UBE2N: variants seen among roughly 807,000 people sequenced by gnomAD.
The protein encoded by UBE2N is ubiquitin conjugating enzyme E2 N, also known as ubiquitin-conjugating enzyme E2 N.
For synonymous variants in UBE2N, 70 were observed against 69.2 expected (o/e 1.01, Z -0.06); for missense variants, 60 against 192.1 (o/e 0.31, Z 4.07).
chr12:93,415,481 TA>T (rs1878178051), intron 1 of UBE2N, among the ~76,000 whole-genome samples: 1 of 152,178 alleles, frequency 6.6e-6, no homozygotes, highest in African/African-American at 2.4e-5. Flanking sequence ...AGGTTCAAAC[TA>T]AAACATTTTT....
intron 1 of UBE2N, among the ~76,000 whole-genome samples, chr12:93,416,694 G>A (rs1463897588): frequency 6.6e-6 from 1 of 151,452 alleles, no homozygotes. Flanking sequence ...CACCACGCCC[G>A]GCCTTATCTA....
intron 1 of UBE2N, among the ~76,000 whole-genome samples, chr12:93,421,407 T>C (rs1368537225): frequency 6.6e-6 from 1 of 152,212 alleles, no homozygotes; most frequent in Admixed American, 6.5e-5. Flanking sequence ...TTTCACCGTG[T>C]TAGCCAGGAT....
At position 93,413,233 on chromosome 12, in the gene UBE2N, C is replaced by T. The variant is rs1878084951; in HGVS notation, c.31-1934G>A. On this transcript the variant is annotated intron_variant, in intron 1 of 3. Transcript: ENST00000318066. Reference sequence around the variant, plus strand: ...TTCCTCTTTGCAAAGCTTTATCTAACTTCCTATAAACATTCTCATGGCTCT... The same window carrying T: ...TTCCTCTTTGCAAAGCTTTATCTAATTTCCTATAAACATTCTCATGGCTCT... 2.0e-5 allele frequency among the ~76,000 whole-genome samples: 3 copies of T among 152,188 alleles called. No individual in the cohort carries two copies. The South Asian group carries it at 6.2e-4, about 32-fold the overall frequency.
intron 1 of UBE2N, among the ~76,000 whole-genome samples, chr12:93,437,449 G>GC (rs1878967811): frequency 6.6e-6 from 1 of 152,016 alleles, no homozygotes; most frequent in African/African-American, 2.4e-5. Flanking sequence ...AGGAGAAGAC[G>GC]CCTAACTTAT....
intron 1 of UBE2N, among the ~76,000 whole-genome samples, chr12:93,436,964 G>A (rs1878951964): frequency 6.6e-6 from 1 of 152,072 alleles, no homozygotes; most frequent in Non-Finnish European, 1.5e-5. Flanking sequence ...TAAGCAATTA[G>A]TTACAATAAA....
chr12:93,430,942 A>AAC (rs1299755391), intron 1 of UBE2N, among the ~76,000 whole-genome samples: 2 of 150,972 alleles, frequency 1.3e-5, no homozygotes, highest in Non-Finnish European at 3.0e-5. Flanking sequence ...TAAAAAAAAA[A>AAC]ACACAGCCAA....
At chr12:93,426,438 A>G (rs1201409627) in intron 1 of UBE2N, among the ~76,000 whole-genome samples, 1 of 152,008 alleles carries the variant, frequency 6.6e-6, no homozygotes, top group African/African-American at 2.4e-5. Flanking sequence ...AGCCCTGAGA[A>G]TAACTAATTT....
chr12:93,441,805 T>C (rs755886171), intron 1 of UBE2N, 50 bp downstream of exon 1: 50 of 1,572,844 alleles, frequency 3.2e-5, no homozygotes, highest in Non-Finnish European at 4.1e-5. Context: ...CCTGCCCAGC[T>C]GAGCCGACGA....
At chr12:93,429,746 G>T (rs1878702193) in intron 1 of UBE2N, among the ~76,000 whole-genome samples, 1 of 151,874 alleles carries the variant, frequency 6.6e-6, no homozygotes, top group Non-Finnish European at 1.5e-5. Flanking sequence ...GGCCTAATAT[G>T]TGTGTGTATG....
Position 93,408,010 on chromosome 12 carries a change from G to C in UBE2N, c.*2029C>G, listed in dbSNP as rs925837624. ...ACTTCTATAACTCACAAATTTAGCA[G>C]ACATCATTTAGACATTTTTGTAGTG... On this transcript the variant is annotated 3_prime_UTR_variant, in exon 4 of 4. Coordinates refer to ENST00000318066, the MANE Select transcript of UBE2N (RefSeq NM_003348.4). 2.6e-5 allele frequency: 4 copies of C among 152,196 alleles called. No individual in the cohort carries two copies. The highest frequency in any genetic ancestry group is 9.6e-5 in the African/African-American group (4 of 41,452). The allele number at this position is 152,196 out of a possible 1,614,324, so 9.4% of individuals were successfully genotyped here. A position where few individuals can be genotyped will look rare whatever the true frequency, so the allele number is the denominator to read the frequency against.
intron 1 of UBE2N, among the ~76,000 whole-genome samples, chr12:93,420,200 C>T (rs1004195022): frequency 8.5e-5 from 13 of 152,076 alleles, no homozygotes; most frequent in African/African-American, 3.1e-4. Context: ...TTGGGAAAAG[C>T]TTTATTTATG....
chr12:93,431,339 C>T (rs538495914), intron 1 of UBE2N, among the ~76,000 whole-genome samples: 8 of 152,164 alleles, frequency 5.3e-5, no homozygotes, highest in Non-Finnish European at 1.0e-4. Flanking sequence ...CCAAATGATA[C>T]AGTATAAAAA....
At chr12:93,422,994 G>A (rs1878464829) in intron 1 of UBE2N, among the ~76,000 whole-genome samples, 1 of 152,228 alleles carries the variant, frequency 6.6e-6, no homozygotes, top group African/African-American at 2.4e-5. Context: ...AGGGCAAAAT[G>A]AGGTTGGTAG....
At chr12:93,432,895 C>T (rs1878812155) in intron 1 of UBE2N, among the ~76,000 whole-genome samples, 2 of 150,936 alleles carry the variant, frequency 1.3e-5, no homozygotes, top group Non-Finnish European at 2.9e-5. Context: ...AATGTCTGTG[C>T]CTAAGTACTC....
At chr12:93,425,139 G>C (rs1592746800) in intron 1 of UBE2N, among the ~76,000 whole-genome samples, 1 of 152,184 alleles carries the variant, frequency 6.6e-6, no homozygotes. Context: ...CATAGAGCTA[G>C]ATTAGTATAT....
chr12:93,423,506 T>C (rs1210249138), intron 1 of UBE2N, among the ~76,000 whole-genome samples: 1 of 152,080 alleles, frequency 6.6e-6, no homozygotes, highest in African/African-American at 2.4e-5. Flanking sequence ...CTTAAAACCT[T>C]TTAGAGGAGG....
At chr12:93,420,813 T>C (rs567533065) in intron 1 of UBE2N, among the ~76,000 whole-genome samples, 1 of 152,266 alleles carries the variant, frequency 6.6e-6, no homozygotes, top group South Asian at 2.1e-4. Flanking sequence ...TTAAGCTGAA[T>C]TCCTTTATTT....
chr12:93,414,719 C>T (rs1297549885), intron 1 of UBE2N, among the ~76,000 whole-genome samples: 1 of 152,122 alleles, frequency 6.6e-6, no homozygotes, highest in African/African-American at 2.4e-5. Context: ...TTCATGTTTT[C>T]TCAGTGAAGC....
At position 93,411,314 on chromosome 12, in the gene UBE2N, C is replaced by A. The variant is rs749024304; in HGVS notation, c.31-15G>T. On this transcript the variant is annotated splice_polypyrimidine_tract_variant and intron_variant, in intron 1 of 3. Coordinates refer to ENST00000318066, the MANE Select transcript of UBE2N (RefSeq NM_003348.4). Reference sequence around the variant, plus strand: ...CGCTGGGTTTCCTATGACAGAAAAACAAACACATTTGTGAAACAAATGTCA... The same window carrying A: ...CGCTGGGTTTCCTATGACAGAAAAAAAAACACATTTGTGAAACAAATGTCA... The A allele has an allele frequency of 6.3e-7, 1 of 1,575,474 alleles. No individual in the cohort carries two copies.
Sources: allele counts gnomAD v4.1 joint callset (sites outside exome capture counted in the v4.1 genomes callset), GRCh38; gene constraint gnomAD v4.1.1; transcripts MANE v1.5; gene names NCBI Gene and HGNC (gene_info 2026-07-23, HGNC 2026-07-21).